RAPGEF3: variants seen among roughly 807,000 people sequenced by gnomAD.
The protein encoded by RAPGEF3 is Rap guanine nucleotide exchange factor 3, also known as 9330170P05Rik.
In RAPGEF3, 103 loss-of-function variants were observed where a neutral mutation model predicts 129.8. The observed-to-expected ratio is 0.79, with a 90% CI of 0.68 to 0.93. RAPGEF3 has a LOEUF of 0.93. Among genes scored for constraint, RAPGEF3 ranks in the 40% least tolerant of loss-of-function variants. The pLI, the probability that RAPGEF3 is intolerant of heterozygous loss-of-function variation, is 0.00. For synonymous variants in RAPGEF3, 436 were observed against 482.6 expected (o/e 0.90, Z 1.26); for missense variants, 1,117 against 1,207.4 (o/e 0.93, Z 1.11).
In RAPGEF3 at chr12:47,749,227, T is replaced by A. The variant is rs1441423545; in HGVS notation, c.1041+163A>T. The A allele has an allele frequency of 2.3e-6, 2 of 874,566 alleles. No homozygotes were observed. Among genetic ancestry groups the A allele is most frequent in the African/African-American group, 3.3e-5 (2 of 60,490 alleles). The allele number at this position is 874,566 out of a possible 1,614,324, so 54.2% of individuals were successfully genotyped here. A position where few individuals can be genotyped will look rare whatever the true frequency, so the allele number is the denominator to read the frequency against. ...CTTCTGTGCCTTATGGGCTTCACCT[T>A]CTCACACACACCCAGGGCTATGGTC... On this transcript the variant is annotated intron_variant, in intron 10 of 27. Transcript: ENST00000449771. The surrounding 1 kb of genome is among the most constrained non-coding windows in gnomAD (Gnocchi z 4.5).
intron 6 of RAPGEF3, among the ~76,000 whole-genome samples, chr12:47,750,754 C>A (rs1181542027): frequency 1.3e-5 from 2 of 152,234 alleles, no homozygotes; most frequent in Non-Finnish European, 2.9e-5. Flanking sequence ...GTTTCCAAAA[C>A]CCACTTGCTT....
intron 2 of RAPGEF3, among the ~76,000 whole-genome samples, chr12:47,752,401 G>T (rs568105207): frequency 6.6e-6 from 1 of 152,290 alleles, no homozygotes; most frequent in East Asian, 1.9e-4. Flanking sequence ...CCTGGGCTGG[G>T]GTCACAGACC....
Position 47,749,318 on chromosome 12 carries a change from G to GTCTCTGGTCCCTAC in RAPGEF3, c.1041+71_1041+72insGTAGGGACCAGAGA. On this transcript the variant is annotated intron_variant, in intron 10 of 27. Coordinates refer to ENST00000449771, the MANE Select transcript of RAPGEF3 (RefSeq NM_001098531.4). This position sits in a 1 kb window ranked among gnomAD's most constrained non-coding sequence, Gnocchi z 4.5. ...TGCTTCTTACAGGCCCTCTGCTCTG[G>GTCTCTGGTCCCTAC]TCCCTACTCCTCTCTCCACATCACT... 1 of 1,586,046 alleles carries GTCTCTGGTCCCTAC rather than the reference G, an allele frequency of 6.3e-7. No homozygotes were observed. The highest frequency in any genetic ancestry group is 8.6e-7 in the Non-Finnish European group (1 of 1,165,178).
In RAPGEF3 at chr12:47,743,595, G is replaced by A; in HGVS notation, c.1760C>T (p.Ala587Val). ...CCAGCCATCCTCCTGGGCCAACGCT[G>A]CCATCACCTCTCTCACGGAGGCTGT... ...PVTASVREVM[A>V]ALAQEDGWTK... The change falls in exon 18 of 28, where the codon GCA (alanine) becomes GTA (valine). Residue 587 changes from alanine to valine, a missense_variant. Ala to Val is a moderately conservative substitution (Grantham distance 64). Coordinates refer to ENST00000449771, the MANE Select transcript of RAPGEF3 (RefSeq NM_001098531.4). 1.9e-6 allele frequency: 3 copies of A among 1,614,176 alleles called. No individual in the cohort carries two copies. Among genetic ancestry groups the A allele is most frequent in the Non-Finnish European group, 2.5e-6 (3 of 1,180,016 alleles).
chr12:47,749,831 A>T lies in RAPGEF3; in HGVS notation c.818-14T>A. 1 of 1,614,096 alleles carries T rather than the reference A, an allele frequency of 6.2e-7. No homozygotes were observed. Among genetic ancestry groups the T allele is most frequent in the Non-Finnish European group, 8.5e-7 (1 of 1,180,004 alleles). On this transcript the variant is annotated splice_polypyrimidine_tract_variant and intron_variant, in intron 8 of 27. Transcript: ENST00000449771. The surrounding 1 kb of genome is among the most constrained non-coding windows in gnomAD (Gnocchi z 4.5). ...CCTGGCTGAACACTGACAGAAGCAT[A>T]CCTCAGACCGGGCCCTCCTGGCACC...
In RAPGEF3 at chr12:47,751,134, A is replaced by G. The variant is rs374892191; in HGVS notation, c.585T>C (p.His195=). The G allele has an allele frequency of 3.2e-6, 5 of 1,558,968 alleles. No homozygotes were observed. The African/African-American group carries it at 6.8e-5, about 21-fold the overall frequency. Residue 195 remains histidine, a synonymous_variant, in exon 6 of 28, where the codon CAT becomes CAC. Transcript: ENST00000449771. ...PGPEPEPVRT[H]EMEEELAEAV... ...CTTCGGCCAACTCCTCCTCCATCTC[A>G]TGAGTTCTCACGGGCTCGGGCTCGG...
In RAPGEF3 at chr12:47,740,358, C is replaced by A. The variant is rs758980561; in HGVS notation, c.2269G>T (p.Val757Phe). 4 of 1,614,054 alleles carry A rather than the reference C, an allele frequency of 2.5e-6. No individual in the cohort carries two copies. Among genetic ancestry groups the A allele is most frequent in the Non-Finnish European group, 3.4e-6 (4 of 1,180,006 alleles). ...GCCGAGTTGCTGAGGCCAAACATGACGGCAAAGAAGGAATTGAGATTCTTC... is the reference window on the plus strand; with the variant it reads ...GCCGAGTTGCTGAGGCCAAACATGAAGGCAAAGAAGGAATTGAGATTCTTC... ...EQKNLNSFFA[V>F]MFGLSNSAIS... is the part of the protein sequence containing the mutation. Residue 757 changes from valine (V) to phenylalanine (F), a missense_variant, in exon 22 of 28, where the codon GTC becomes TTC. By Grantham distance (50) the Val-to-Phe change is conservative (BLOSUM62 -1). Transcript: ENST00000449771.
intron 16 of RAPGEF3, chr12:47,745,714 G>A (rs944536133): frequency 5.3e-5 from 8 of 152,172 alleles, no homozygotes; most frequent in Admixed American, 2.0e-4. Flanking sequence ...AGTGTCCCGT[G>A]TCACTGCACA....
At chr12:47,750,897 C>A (rs1001784477) in intron 6 of RAPGEF3, 151 bp downstream of exon 6, 1 of 1,105,528 alleles carries the variant, frequency 9.0e-7, no homozygotes, top group Admixed American at 2.8e-5. Flanking sequence ...ACAGTGAGTC[C>A]GTGGCAGTCA....
intron 2 of RAPGEF3, 74 bp from the exon 3 acceptor site, chr12:47,752,043 C>T: frequency 1.3e-6 from 2 of 1,505,786 alleles, no homozygotes; most frequent in Non-Finnish European, 9.2e-7. Context: ...TCCCCTCCCC[C>T]ATCACTCCCA....
Position 47,757,878 on chromosome 12 carries a change from C to G in RAPGEF3, c.207G>C (p.Gln69His), listed in dbSNP as rs1474978068. The change falls in exon 2 of 28, where the codon CAG becomes CAC. Residue 69 changes from glutamine to histidine, a missense_variant. Gln to His is a conservative substitution (Grantham distance 24). This residue lies in a region of RAPGEF3 where 367 missense variants were observed against 373.4 expected (regional missense o/e 0.98). Coordinates refer to ENST00000449771, the MANE Select transcript of RAPGEF3 (RefSeq NM_001098531.4). ...GAAAGGTACTCACCCAGCGCAGCCCCTGGATGCAGCTCGGACGCTGGTGCT... is the reference window on the plus strand; with the variant it reads ...GAAAGGTACTCACCCAGCGCAGCCCGTGGATGCAGCTCGGACGCTGGTGCT... ...LLEHQRPSCIQGLRWTPLTNS... is the reference protein window; with the variant it reads ...LLEHQRPSCIHGLRWTPLTNS... 1.3e-6 allele frequency: 2 copies of G among 1,555,092 alleles called. No homozygotes were observed. The highest frequency in any genetic ancestry group is 1.2e-5 in the South Asian group (1 of 84,368).
At chr12:47,748,362 G>A (rs1017443288) in intron 12 of RAPGEF3, 92 bp downstream of exon 12, 50 of 1,232,368 alleles carry the variant, frequency 4.1e-5, no homozygotes, top group East Asian at 1.4e-4. Context: ...TCCAGCATTC[G>A]GTGACGTCAG....
At position 47,749,411 on chromosome 12, in the gene RAPGEF3, C is replaced by T. The variant is rs756403249; in HGVS notation, c.1020G>A (p.Gln340=). 6 of 1,613,036 alleles carry T rather than the reference C, an allele frequency of 3.7e-6. No individual in the cohort carries two copies. The Admixed American group carries it at 1.0e-4, about 27-fold the overall frequency. Residue 340 remains glutamine (Q), a synonymous_variant, in exon 10 of 28, where the codon CAG becomes CAA. Transcript: ENST00000449771. This position sits in a 1 kb window ranked among gnomAD's most constrained non-coding sequence, Gnocchi z 4.5. ...GCACCTTGATGATACGGTTGAAGTC[C>T]TGCTTGTCCACACGCAGGAAATGAC... ...DNCHFLRVDK[Q]DFNRIIKDVE...
intron 1 of RAPGEF3, 168 bp downstream of exon 1, chr12:47,758,383 A>T (rs1305108030): frequency 2.0e-6 from 3 of 1,505,244 alleles, no homozygotes; most frequent in Non-Finnish European, 8.9e-7. Flanking sequence ...TCCCAGTATG[A>T]AGCTATAGAT....
chr12:47,739,991 A>C, intron 23 of RAPGEF3, 150 bp downstream of exon 23: 1 of 916,626 alleles, frequency 1.1e-6, no homozygotes. Context: ...CACAGGCTGG[A>C]GCTAGGCCCT....
chr12:47,751,654 G>A (rs1476744188), intron 4 of RAPGEF3, 69 bp downstream of exon 4: 3 of 1,600,062 alleles, frequency 1.9e-6, no homozygotes, highest in Non-Finnish European at 2.6e-6. Context: ...AGGCCCAGGT[G>A]CCTGACATAA....
At position 47,743,548 on chromosome 12, in the gene RAPGEF3, T is replaced by C. The variant is rs761724079; in HGVS notation, c.1807A>G (p.Lys603Glu). The change falls in exon 18 of 28, where the codon AAG becomes GAG. Residue 603 changes from lysine to glutamate, a missense_variant. Coordinates refer to ENST00000449771, the MANE Select transcript of RAPGEF3 (RefSeq NM_001098531.4). The stretch of plus-strand genomic sequence containing the variant: ...AACTCACCACCTGCAGAATTGACCT[T>C]CACCAGCACCTGCCCCTTGGTCCAG... The part of the protein sequence containing the change: ...DGWTKGQVLV[K>E]VNSAGDAIGL... 15 of 1,613,738 alleles carry C rather than the reference T, an allele frequency of 9.3e-6. No homozygotes were observed. The highest frequency in any genetic ancestry group is 8.3e-5 in the Admixed American group (5 of 59,990).
At chr12:47,755,380 AACT>A (rs1471369973) in intron 2 of RAPGEF3, among the ~76,000 whole-genome samples, 5 of 152,158 alleles carry the variant, frequency 3.3e-5, no homozygotes, top group Non-Finnish European at 7.3e-5. Flanking sequence ...TATAACTATT[AACT>A]ACTACTATTA....
Position 47,748,520 on chromosome 12 carries a change from G to C in RAPGEF3, c.1177C>G (p.Pro393Ala), listed in dbSNP as rs1188705677. ...AACAGAAGCTCTAGGATCTTCTCTG[G>C]GGTGCCAGACATCACTGTATACCTA... is the stretch of plus-strand genomic sequence containing the variant. The part of the protein sequence containing the change: ...RNRYTVMSGT[P>A]EKILELLLEA... Residue 393 changes from proline (P) to alanine (A), a missense_variant, in exon 12 of 28, where the codon CCA becomes GCA. Around this residue, in one of 3 missense-constraint regions of RAPGEF3, gnomAD observed 107 missense variants for 160.7 expected, o/e 0.67. Coordinates refer to ENST00000449771, the MANE Select transcript of RAPGEF3 (RefSeq NM_001098531.4). 3 of 1,613,900 alleles carry C rather than the reference G, an allele frequency of 1.9e-6. No homozygotes were observed. The highest frequency in any genetic ancestry group is 2.2e-5 in the East Asian group (1 of 44,888).
Sources: allele counts gnomAD v4.1 joint callset (sites outside exome capture counted in the v4.1 genomes callset), GRCh38; gene constraint gnomAD v4.1.1; regional missense constraint gnomAD v4.1.1; non-coding constraint Gnocchi (gnomAD v3.1); transcripts MANE v1.5; gene names NCBI Gene and HGNC (gene_info 2026-07-23, HGNC 2026-07-21).